Variants in ENPP1 observed in about 807,000 individuals in gnomAD.
The protein encoded by ENPP1 is ectonucleotide pyrophosphatase/phosphodiesterase 1.
A neutral mutation model predicts 122.8 loss-of-function variants in ENPP1; 73 were observed. That is an observed-to-expected ratio of 0.59 (90% CI 0.49 to 0.72). The LOEUF is 0.72. Among genes scored for constraint, ENPP1 ranks in the 30% least tolerant of loss-of-function variants. The pLI is 0.00. For synonymous variants in ENPP1, 367 were observed against 391.6 expected, an observed-to-expected ratio of 0.94 and a Z score of 0.74; for missense variants, 978 against 1,128.1, an observed-to-expected ratio of 0.87 and a Z score of 1.91.
At chr6:131,884,081 T>C (rs937837498) in intron 22 of ENPP1, among the ~76,000 whole-genome samples, 2 of 152,206 alleles carry the variant, frequency 1.3e-5, no homozygotes, top group African/African-American at 4.8e-5. Context: ...CTTATTTAAC[T>C]TTTTGGAAGT....
chr6:131,825,556 T>C (rs1165635470), intron 1 of ENPP1, among the ~76,000 whole-genome samples: 1 of 152,176 alleles, frequency 6.6e-6, no homozygotes, highest in African/African-American at 2.4e-5. Flanking sequence ...ATTTTTAGCA[T>C]CTTAAAAACT....
At chr6:131,827,769 A>G (rs1781563001) in intron 1 of ENPP1, 1 of 767,954 alleles carries the variant, frequency 1.3e-6, no homozygotes, top group Admixed American at 1.8e-5. Flanking sequence ...TTTCTATACC[A>G]GCTGACTCCA....
At chr6:131,888,235 C>CTTTTT (rs58493790) in intron 24 of ENPP1, among the ~76,000 whole-genome samples, 17 of 139,492 alleles carry the variant, frequency 1.2e-4, no homozygotes, top group African/African-American at 2.4e-4. Context: ...CCTACATTTC[C>CTTTTT]TTTTTTTTTT....
chr6:131,849,816 T>C (rs1300735234), intron 2 of ENPP1, among the ~76,000 whole-genome samples, 174 bp from the exon 3 acceptor site: 2 of 152,242 alleles, frequency 1.3e-5, no homozygotes, highest in Non-Finnish European at 2.9e-5. Flanking sequence ...TTTCTGTTTG[T>C]ATCACTTTTT....
At chr6:131,858,631 T>C in intron 6 of ENPP1, 37 bp from the exon 7 acceptor site, 1 of 1,339,038 alleles carries the variant, frequency 7.5e-7, no homozygotes, top group Non-Finnish European at 1.1e-6. Flanking sequence ...AATTGTCAGA[T>C]GTATTTAATA....
At chr6:131,859,379 G>A (rs1318242253) in intron 7 of ENPP1, among the ~76,000 whole-genome samples, 7 of 150,956 alleles carry the variant, frequency 4.6e-5, no homozygotes, top group Non-Finnish European at 7.4e-5. Context: ...AATTTCAGAG[G>A]CTACCTTTTT....
In ENPP1 at chr6:131,883,784, G is replaced by C; in HGVS notation, c.2311+10G>C. On this transcript the variant is annotated intron_variant, in intron 22 of 24. Transcript: ENST00000647893. ...TACCAGAGTTTTCAAGGTAAATAAT[G>C]TTAACTCTATATTTGATAATTTTAA... 7.6e-7 allele frequency: 1 copy of C among 1,309,772 alleles called. No homozygotes were observed. Among genetic ancestry groups the C allele is most frequent in the South Asian group, 1.2e-5 (1 of 84,384 alleles). The allele number at this position is 1,309,772 out of a possible 1,614,324, so 81.1% of individuals were successfully genotyped here. A position where few individuals can be genotyped will look rare whatever the true frequency, so the allele number is the denominator to read the frequency against.
intron 23 of ENPP1, among the ~76,000 whole-genome samples, chr6:131,885,611 A>C (rs764110858): frequency 2.0e-5 from 3 of 152,188 alleles, no homozygotes; most frequent in Non-Finnish European, 2.9e-5. Context: ...AAACTGGTTG[A>C]TCTTTATTGA....
chr6:131,814,502 A>T (rs930981279), intron 1 of ENPP1, among the ~76,000 whole-genome samples: 41 of 152,214 alleles, frequency 2.7e-4, no homozygotes, highest in African/African-American at 9.4e-4. Context: ...AGTTGCCCTG[A>T]GTATATGCTG....
At chr6:131,840,531 C>T (rs1781727120) in intron 1 of ENPP1, among the ~76,000 whole-genome samples, 1 of 152,206 alleles carries the variant, frequency 6.6e-6, no homozygotes, top group African/African-American at 2.4e-5. Flanking sequence ...TATTCAGTAA[C>T]CCTATGCCCT....
intron 1 of ENPP1, among the ~76,000 whole-genome samples, chr6:131,817,043 C>T (rs1266065498): frequency 6.6e-6 from 1 of 152,198 alleles, no homozygotes; most frequent in Non-Finnish European, 1.5e-5. Flanking sequence ...AAAGAATCCT[C>T]ACTTTTTAAC....
chr6:131,854,766 T>C (rs932354894), intron 5 of ENPP1, among the ~76,000 whole-genome samples, 160 bp from the exon 6 acceptor site: 5 of 152,184 alleles, frequency 3.3e-5, no homozygotes, highest in African/African-American at 9.7e-5. Flanking sequence ...AAACGTACTT[T>C]ATAAGTATGC....
chr6:131,889,295 C>T (rs566495073), intron 24 of ENPP1, among the ~76,000 whole-genome samples: 49 of 152,182 alleles, frequency 3.2e-4, no homozygotes, highest in African/African-American at 1.2e-3. Flanking sequence ...TAAATGTGTG[C>T]CATGGTGGTT....
At chr6:131,850,344 G>A (rs1224133444) in intron 3 of ENPP1, among the ~76,000 whole-genome samples, 1 of 152,050 alleles carries the variant, frequency 6.6e-6, no homozygotes, top group African/African-American at 2.4e-5. Flanking sequence ...TATTTTTAAT[G>A]TATGCTGAAA....
chr6:131,845,041 TGG>T (rs1235720075), intron 1 of ENPP1, among the ~76,000 whole-genome samples: 5 of 140,782 alleles, frequency 3.6e-5, no homozygotes, highest in African/African-American at 5.6e-5. Flanking sequence ...CAATTCTTCA[TGG>T]TTTTTTTTTT....
In ENPP1 at chr6:131,874,264, T is replaced by G. The variant is rs1782199713; in HGVS notation, c.1566-4T>G. The G allele has an allele frequency of 1.9e-6, 3 of 1,543,254 alleles. No individual in the cohort carries two copies. Among genetic ancestry groups the G allele is most frequent in the Non-Finnish European group, 2.7e-6 (3 of 1,116,910 alleles). ...CATTTTTAATTCATATATGTCAACA[T>G]TAGGAATCCCTCAGAAAGGAAATAT... On this transcript the variant is annotated splice_region_variant and splice_polypyrimidine_tract_variant and intron_variant, in intron 15 of 24. Transcript: ENST00000647893.
In ENPP1 at chr6:131,847,793, G is replaced by A. The variant is rs1781828691; in HGVS notation, c.258G>A (p.Val86=). 6.2e-7 allele frequency: 1 copy of A among 1,610,856 alleles called. No homozygotes were observed. The highest frequency in any genetic ancestry group is 1.7e-5 in the Admixed American group (1 of 59,986). Residue 86 remains valine (V), a synonymous_variant, in exon 2 of 25, where the codon GTG becomes GTA. Coordinates refer to ENST00000647893, the MANE Select transcript of ENPP1 (RefSeq NM_006208.3). ...CCCTACAGGTATTGTCAGTATGTGT[G>A]TTAACAACAATACTTGGTTGTATAT... is the stretch of plus-strand genomic sequence containing the variant. ...KVLSLVLSVC[V]LTTILGCIFG... is the part of the protein sequence containing the mutation.
chr6:131,833,699 A>G (rs1185565814), intron 1 of ENPP1, among the ~76,000 whole-genome samples: 1 of 152,216 alleles, frequency 6.6e-6, no homozygotes, highest in Non-Finnish European at 1.5e-5. Context: ...TTTACTAAGC[A>G]CTTCAAGATC....
Position 131,817,701 on chromosome 6 carries a change from A to ATC in ENPP1, c.240+9441_240+9442dup, listed in dbSNP as rs146003691. On this transcript the variant is annotated intron_variant, in intron 1 of 24. Coordinates refer to ENST00000647893, the MANE Select transcript of ENPP1 (RefSeq NM_006208.3). ...GGCAATATAATGAAACCCCATGTCT[A>ATC]TCTCTCTCTCTCTCTCAATCTCTCT... Among the ~76,000 whole-genome samples the ATC allele has an allele frequency of 8.3e-4, 117 of 141,106 alleles. 1 individual carries two copies. Among genetic ancestry groups the ATC allele is most frequent in the African/African-American group, 3.0e-3 (112 of 37,962 alleles). 92.6% of individuals were successfully genotyped at this position (141,106 alleles called of 152,430 possible).
Sources: gnomAD v4.1 joint callset for allele counts (sites outside exome capture counted in the v4.1 genomes callset) on GRCh38, gnomAD v4.1.1 for gene constraint, MANE v1.5 for transcripts, NCBI Gene and HGNC (gene_info 2026-07-23, HGNC 2026-07-21) for gene names.